Variants in IGSF10 observed in about 807,000 individuals in gnomAD.
IGSF10 encodes the protein immunoglobulin superfamily member 10, also known as calvaria mechanical force protein 608.
In IGSF10, 126 loss-of-function variants were observed where a neutral mutation model predicts 128.2. The observed-to-expected ratio is 0.98, with a 90% CI of 0.85 to 1.14. The LOEUF (loss-of-function observed/expected upper bound fraction) is 1.14. Among genes scored for constraint, IGSF10 ranks in the 50% most tolerant of loss-of-function variants. The pLI, the probability that IGSF10 is intolerant of heterozygous loss-of-function variation, is 0.00. For synonymous variants in IGSF10, 1,185 were observed against 1,146.2 expected, an observed-to-expected ratio of 1.03 and a Z score of -0.68; for missense variants, 3,295 against 3,149.8, an observed-to-expected ratio of 1.05 and a Z score of -1.10.
the IGSF10 span, among the ~76,000 whole-genome samples, chr3:151,472,473 AC>A: frequency 6.6e-6 from 1 of 152,202 alleles, no homozygotes; most frequent in Non-Finnish European, 1.5e-5. Flanking sequence ...CAGCGGCATT[AC>A]CATTGTCCCT....
the IGSF10 span, among the ~76,000 whole-genome samples, chr3:151,542,968 T>A: frequency 6.6e-6 from 1 of 152,222 alleles, no homozygotes; most frequent in Admixed American, 6.5e-5. Context: ...ATGTGCTTTA[T>A]CTTCACCAAT....
the IGSF10 span, among the ~76,000 whole-genome samples, chr3:151,470,137 A>G: frequency 6.6e-6 from 1 of 152,184 alleles, no homozygotes; most frequent in East Asian, 1.9e-4. Flanking sequence ...ATCAAGACTT[A>G]ATGACACTAC....
the IGSF10 span, among the ~76,000 whole-genome samples, chr3:151,602,241 G>T: frequency 6.6e-6 from 1 of 152,214 alleles, no homozygotes; most frequent in Non-Finnish European, 1.5e-5. Context: ...TACATATGGA[G>T]AATTTATTGA....
chr3:151,511,092 C>G, the IGSF10 span, among the ~76,000 whole-genome samples: 5 of 152,198 alleles, frequency 3.3e-5, no homozygotes, highest in South Asian at 8.3e-4. Context: ...GGCCAACATT[C>G]AAATTCAGGA....
the IGSF10 span, among the ~76,000 whole-genome samples, chr3:151,480,663 A>C: frequency 6.6e-6 from 1 of 151,744 alleles, no homozygotes; most frequent in Non-Finnish European, 1.5e-5. Context: ...CCAGTAGTGC[A>C]CCACCCCCAA....
chr3:151,564,472 C>T, the IGSF10 span, among the ~76,000 whole-genome samples: 23 of 151,700 alleles, frequency 1.5e-4, no homozygotes, highest in African/African-American at 5.6e-4. Flanking sequence ...TTTTCTTTGA[C>T]AACATTTACA....
chr3:151,477,179 T>C, the IGSF10 span, among the ~76,000 whole-genome samples: 3 of 152,212 alleles, frequency 2.0e-5, no homozygotes, highest in Non-Finnish European at 4.4e-5. Flanking sequence ...GTTTATTATC[T>C]CTTCCCTTTT....
chr3:151,613,675 C>A, the IGSF10 span, among the ~76,000 whole-genome samples: 1 of 152,160 alleles, frequency 6.6e-6, no homozygotes, highest in African/African-American at 2.4e-5. Context: ...AAAATTAATT[C>A]AAGATGGATT....
chr3:151,541,779 T>C, the IGSF10 span, among the ~76,000 whole-genome samples: 2 of 152,134 alleles, frequency 1.3e-5, no homozygotes, highest in African/African-American at 4.8e-5. Flanking sequence ...TACATATGTG[T>C]GGATGAGTGG....
Position 151,453,747 on chromosome 3 carries a change from G to A in IGSF10, c.352C>T (p.Arg118Ter), listed in dbSNP as rs142596318. 5.5e-5 allele frequency: 87 copies of A among 1,575,952 alleles called. No individual in the cohort carries two copies. The highest frequency in any genetic ancestry group is 3.4e-4 in the Middle Eastern group (2 of 5,910). ...TAAAAAGTATCTTTCTGAAGTTTTC[G>A]GACTTTATTATAGCTCATTTTTAAG... ...QVLKMSYNKVRKLQKDTFYGL... is the reference protein window; with the variant it reads ...QVLKMSYNKV Residue 118 changes from arginine (R) to a stop codon, truncating the protein, a stop_gained, in exon 5 of 8, where the codon CGA becomes TGA. Transcript: ENST00000282466. LOFTEE classifies it high-confidence loss of function.
the IGSF10 span, among the ~76,000 whole-genome samples, chr3:151,493,353 A>G: frequency 5.9e-5 from 9 of 152,328 alleles, no homozygotes; most frequent in African/African-American, 2.2e-4. Flanking sequence ...CCATTTTACT[A>G]TCTATAGTCA....
chr3:151,552,672 G>A, the IGSF10 span, among the ~76,000 whole-genome samples: 1 of 152,150 alleles, frequency 6.6e-6, no homozygotes, highest in African/African-American at 2.4e-5. Context: ...TTAGTCACAT[G>A]CATCCTCTCT....
chr3:151,514,009 A>G, the IGSF10 span, among the ~76,000 whole-genome samples: 1 of 152,150 alleles, frequency 6.6e-6, no homozygotes, highest in East Asian at 1.9e-4. Flanking sequence ...ATGCTCATGG[A>G]TAGGAAGAAT....
chr3:151,503,629 G>A, the IGSF10 span, among the ~76,000 whole-genome samples: 2 of 152,120 alleles, frequency 1.3e-5, no homozygotes, highest in African/African-American at 2.4e-5. Flanking sequence ...TGCCCAGTGG[G>A]TTCTCCTTTC....
the IGSF10 span, among the ~76,000 whole-genome samples, chr3:151,532,859 A>G: frequency 6.6e-6 from 1 of 152,210 alleles, no homozygotes; most frequent in African/African-American, 2.4e-5. Context: ...AGGGTATTCA[A>G]TTAGGAAAAG....
chr3:151,484,390 A>G, the IGSF10 span, among the ~76,000 whole-genome samples: 9 of 152,276 alleles, frequency 5.9e-5, no homozygotes, highest in East Asian at 1.7e-3. Flanking sequence ...GCAGATTTAA[A>G]TGTCCCTGAC....
At chr3:151,573,175 C>T in the IGSF10 span, among the ~76,000 whole-genome samples, 74 of 152,048 alleles carry the variant, frequency 4.9e-4, no homozygotes, top group East Asian at 2.7e-3. Flanking sequence ...GCAATAAGTG[C>T]GATGTGGTGC....
At chr3:151,535,538 C>T in the IGSF10 span, among the ~76,000 whole-genome samples, 2 of 152,132 alleles carry the variant, frequency 1.3e-5, no homozygotes, top group East Asian at 1.9e-4. Flanking sequence ...CTAAACCCCA[C>T]CATCACTATA....
the IGSF10 span, among the ~76,000 whole-genome samples, chr3:151,569,234 G>T: frequency 6.6e-6 from 1 of 152,170 alleles, no homozygotes; most frequent in East Asian, 1.9e-4. Flanking sequence ...ACCACATCCG[G>T]CAAAGTTTTG....
Sources: allele counts gnomAD v4.1 joint callset (sites outside exome capture counted in the v4.1 genomes callset), GRCh38; gene constraint gnomAD v4.1.1; transcripts MANE v1.5; gene names NCBI Gene and HGNC (gene_info 2026-07-23, HGNC 2026-07-21).